The following NYAP2 variants were observed in gnomAD, a reference collection of about 807,000 sequenced individuals.
NYAP2 encodes the protein neuronal tyrosine-phosphorylated phosphoinositide-3-kinase adaptor 2, also known as neuronal tyrosine-phosphorylated phosphoinositide-3-kinase adapter 2.
A neutral mutation model predicts 50.4 loss-of-function variants in NYAP2; 23 were observed. That is an observed-to-expected ratio of 0.46 (90% CI 0.33 to 0.65). The LOEUF is 0.65. Among genes scored for constraint, NYAP2 ranks in the 30% least tolerant of loss-of-function variants. NYAP2 has a pLI of 0.02. For missense variants in NYAP2, 885 were observed against 861.0 expected, an observed-to-expected ratio of 1.03 and a Z score of -0.35; for synonymous variants, 394 against 365.2, an observed-to-expected ratio of 1.08 and a Z score of -0.90.
chr2:225,591,495 C>T (rs77092500), intron 5 of NYAP2, among the ~76,000 whole-genome samples: 15,904 of 152,068 alleles, frequency 0.1, 935 homozygotes, highest in South Asian at 0.13. Flanking sequence ...AGTGCCCAGC[C>T]CCTTCCTCGA....
intron 4 of NYAP2, among the ~76,000 whole-genome samples, chr2:225,520,440 G>A (rs1183045443): frequency 3.3e-5 from 5 of 151,878 alleles, no homozygotes; most frequent in African/African-American, 7.3e-5. Context: ...ATCTTGAATT[G>A]ATTTTTGTAT....
intron 3 of NYAP2, among the ~76,000 whole-genome samples, chr2:225,512,819 TTCTCTC>T (rs145877640): frequency 0.12 from 8,378 of 71,156 alleles, 457 homozygotes; most frequent in Middle Eastern, 0.21. Flanking sequence ...TTTTCTTTCT[TTCTCTC>T]TCTCTCTCTC....
chr2:225,609,511 T>C (rs1692843365), intron 5 of NYAP2, among the ~76,000 whole-genome samples: 1 of 152,124 alleles, frequency 6.6e-6, no homozygotes, highest in African/African-American at 2.4e-5. Context: ...GGAAGTCAGC[T>C]TGGGGCCAGA....
intron 6 of NYAP2, among the ~76,000 whole-genome samples, chr2:225,628,478 C>T (rs992086235): frequency 4.0e-5 from 6 of 151,840 alleles, no homozygotes; most frequent in African/African-American, 7.3e-5. Flanking sequence ...CCCACCACCA[C>T]GCCCAGCTAA....
intron 6 of NYAP2, among the ~76,000 whole-genome samples, chr2:225,634,560 C>G (rs752820148): frequency 3.3e-4 from 49 of 149,764 alleles, no homozygotes; most frequent in Non-Finnish European, 6.4e-4. Flanking sequence ...TTAAAGAAAA[C>G]AAAAAAAAAG....
intron 3 of NYAP2, among the ~76,000 whole-genome samples, chr2:225,507,806 A>G (rs1332844446): frequency 1.3e-5 from 2 of 152,244 alleles, no homozygotes; most frequent in Non-Finnish European, 2.9e-5. Context: ...TATGCAGTAT[A>G]TCAGGTAAAT....
At chr2:225,487,608 C>T (rs533867915) in intron 3 of NYAP2, among the ~76,000 whole-genome samples, 8 of 152,290 alleles carry the variant, frequency 5.3e-5, no homozygotes, top group Admixed American at 5.2e-4. Context: ...GATCCAACTG[C>T]TTCAGCCTCC....
chr2:225,567,653 G>C (rs1437361694), intron 4 of NYAP2, among the ~76,000 whole-genome samples: 3 of 152,080 alleles, frequency 2.0e-5, no homozygotes, highest in African/African-American at 4.8e-5. Context: ...AGGAGGAAGG[G>C]GAGGAGCTGG....
chr2:225,644,934 G>A (rs563168560), intron 6 of NYAP2, among the ~76,000 whole-genome samples: 79 of 151,992 alleles, frequency 5.2e-4, no homozygotes, highest in African/African-American at 1.9e-3. Context: ...GCTCTTTTTT[G>A]GTTCCATAAA....
intron 6 of NYAP2, among the ~76,000 whole-genome samples, chr2:225,631,755 C>CA (rs1382415315): frequency 6.6e-6 from 1 of 152,072 alleles, no homozygotes; most frequent in East Asian, 1.9e-4. Context: ...CCAAAAATGG[C>CA]AAAAATGTAT....
intron 4 of NYAP2, among the ~76,000 whole-genome samples, chr2:225,542,836 A>G (rs1691501057): frequency 6.6e-6 from 1 of 152,030 alleles, no homozygotes. Context: ...TTTGAGTGGA[A>G]TTGGTATTAG....
In NYAP2 at chr2:225,408,944, T is replaced by C. The variant is rs1694985392; in HGVS notation, c.64T>C (p.Tyr22His). 1 of 1,612,038 alleles carries C rather than the reference T, an allele frequency of 6.2e-7. No individual in the cohort carries two copies. The highest frequency in any genetic ancestry group is 1.3e-5 in the African/African-American group (1 of 74,914). ...AGACCCTTTGGACACATTTCTCCAG[T>C]ACATTGAGGATATGGGGATGAAGGC... The change falls in exon 3 of 7, where the codon TAC (tyrosine) becomes CAC (histidine). Residue 22 changes from tyrosine to histidine, a missense_variant. Physicochemically the swap from Tyr to His is moderately conservative, Grantham distance 83. Transcript: ENST00000636099.
chr2:225,535,225 A>G (rs983404710), intron 4 of NYAP2, among the ~76,000 whole-genome samples: 6 of 152,210 alleles, frequency 3.9e-5, no homozygotes, highest in East Asian at 1.9e-4. Context: ...TTCTGCTTCA[A>G]TGTTTCTCCA....
At chr2:225,665,851 A>G in the NYAP2 span, among the ~76,000 whole-genome samples, 1 of 125,698 alleles carries the variant, frequency 8.0e-6, no homozygotes, top group Non-Finnish European at 1.7e-5. Flanking sequence ...CACCACCCAG[A>G]TAGACAGGAG....
chr2:225,555,504 C>A (rs1691761052), intron 4 of NYAP2, among the ~76,000 whole-genome samples: 1 of 152,080 alleles, frequency 6.6e-6, no homozygotes, highest in South Asian at 2.1e-4. Context: ...CTTATAGAAA[C>A]AACAGAGCAG....
At chr2:225,660,939 T>G in the NYAP2 span, among the ~76,000 whole-genome samples, 3 of 152,222 alleles carry the variant, frequency 2.0e-5, no homozygotes, top group Non-Finnish European at 4.4e-5. Context: ...TTTATGAATA[T>G]GTGCAGCTGT....
chr2:225,574,960 G>T (rs1203864524), intron 4 of NYAP2, among the ~76,000 whole-genome samples: 1 of 152,070 alleles, frequency 6.6e-6, no homozygotes, highest in Non-Finnish European at 1.5e-5. Context: ...AGTCTTCATG[G>T]CAAACACTGC....
downstream of NYAP2, among the ~76,000 whole-genome samples, chr2:225,658,317 C>T (rs1032737560): frequency 6.6e-6 from 1 of 151,924 alleles, no homozygotes. Flanking sequence ...TCTTGGAACA[C>T]CCCCCTAAGT....
At chr2:225,429,950 C>A (rs1695341970) in intron 3 of NYAP2, among the ~76,000 whole-genome samples, 2 of 152,202 alleles carry the variant, frequency 1.3e-5, no homozygotes, top group South Asian at 4.1e-4. Context: ...ACACACACAG[C>A]CTCCTGGTCA....
Sources: allele counts gnomAD v4.1 joint callset (sites outside exome capture counted in the v4.1 genomes callset), GRCh38; gene constraint gnomAD v4.1.1; transcripts MANE v1.5; gene names NCBI Gene and HGNC (gene_info 2026-07-23, HGNC 2026-07-21).